Variants in COL4A4 observed in about 807,000 individuals in gnomAD.
COL4A4 encodes collagen alpha-4(IV) chain.
Under a neutral mutation model 192.9 loss-of-function variants are expected in COL4A4, and 105 were observed. The ratio of observed to expected loss-of-function variants is 0.54; its 90% CI spans 0.46 to 0.64. The LOEUF is 0.64. Ranked by LOEUF, COL4A4 falls within the 30% of genes least tolerant of loss-of-function variation. The probability of loss-of-function intolerance (pLI) is 0.00; values close to 1 mark genes in which losing one functional copy is unlikely to be tolerated. For synonymous variants in COL4A4, 762 were observed against 769.9 expected, an observed-to-expected ratio of 0.99 and a Z score of 0.17; for missense variants, 1,967 against 2,169.3, an observed-to-expected ratio of 0.91 and a Z score of 1.85.
At chr2:227,104,095 ATGTTT>A in intron 12 of COL4A4, 43 bp from the exon 13 acceptor site, 1 of 1,559,600 alleles carries the variant, frequency 6.4e-7, no homozygotes, top group Non-Finnish European at 8.8e-7. Context: ...ATATTAATTT[ATGTTT>A]TGAAGGTTTT....
intron 17 of COL4A4, 59 bp downstream of exon 17, chr2:227,101,445 A>G: frequency 7.9e-7 from 1 of 1,273,020 alleles, no homozygotes; most frequent in Non-Finnish European, 1.1e-6. Flanking sequence ...AAAATAAATT[A>G]GATAATATTA....
intron 22 of COL4A4, among the ~76,000 whole-genome samples, chr2:227,087,443 C>T (rs2059663855): frequency 6.6e-6 from 1 of 152,200 alleles, no homozygotes. Flanking sequence ...CCATCGCCTT[C>T]CCATCTCAGT....
chr2:227,056,313 G>C (rs142957012), intron 29 of COL4A4, among the ~76,000 whole-genome samples, 198 bp from the exon 30 acceptor site: 12 of 152,318 alleles, frequency 7.9e-5, no homozygotes, highest in Admixed American at 3.9e-4. Context: ...CAGATCATTT[G>C]AGTAAATGTT....
At position 227,140,155 on chromosome 2, in the gene COL4A4, A is replaced by G. The variant is rs369063419; in HGVS notation, c.192+6T>C. 6.2e-7 allele frequency: 1 copy of G among 1,612,402 alleles called. No homozygotes were observed. Among genetic ancestry groups the G allele is most frequent in the Non-Finnish European group, 8.5e-7 (1 of 1,178,418 alleles). ...TGCTGCCCATGTTGGTCTTTACATC[A>G]CTTACCCGAGACCCCTTTTCAGGAA... On this transcript the variant is annotated splice_donor_region_variant and intron_variant, in intron 4 of 47. Coordinates refer to ENST00000396625, the MANE Select transcript of COL4A4 (RefSeq NM_000092.5).
intron 4 of COL4A4, among the ~76,000 whole-genome samples, chr2:227,121,795 G>A (rs1372706264): frequency 2.0e-5 from 3 of 152,148 alleles, no homozygotes; most frequent in African/African-American, 7.2e-5. Flanking sequence ...CATATATCAA[G>A]TGATTATAGT....
At chr2:227,023,742 G>A (rs763868830) in intron 43 of COL4A4, among the ~76,000 whole-genome samples, 4 of 152,162 alleles carry the variant, frequency 2.6e-5, no homozygotes, top group Non-Finnish European at 4.4e-5. Flanking sequence ...CGCCAGGCGC[G>A]GTGGCTCATG....
intron 47 of COL4A4, 65 bp from the exon 48 acceptor site, chr2:227,007,653 G>C: frequency 6.2e-7 from 1 of 1,602,126 alleles, no homozygotes; most frequent in Non-Finnish European, 8.5e-7. Context: ...CCCAATCAGG[G>C]ACACACCCAG....
Position 227,057,581 on chromosome 2 carries a change from T to C in COL4A4, c.2403A>G (p.Gly801=). Residue 801 remains glycine (G), a synonymous_variant, in exon 29 of 48, where the codon GGA becomes GGG. Coordinates refer to ENST00000396625, the MANE Select transcript of COL4A4 (RefSeq NM_000092.5). ...PGAEGPAGIP[G]FLGLKGPKGR... ...CTTTGGGACCTTTGAGACCTAGGAA[T>C]CCAGGAATGCCAGCTGGCCCTGAAA... The C allele has an allele frequency of 6.2e-7, 1 of 1,614,118 alleles. No homozygotes were observed. The highest frequency in any genetic ancestry group is 8.5e-7 in the Non-Finnish European group (1 of 1,180,036).
chr2:227,028,169 G>C (rs12472127), intron 41 of COL4A4, among the ~76,000 whole-genome samples, 160 bp from the exon 42 acceptor site: 1 of 152,348 alleles, frequency 6.6e-6, no homozygotes, highest in South Asian at 2.1e-4. Context: ...GTGAGGCTTA[G>C]ACGGGTTGCC....
In COL4A4 at chr2:227,080,528, G is replaced by A. The variant is rs1319812013; in HGVS notation, c.1718C>T (p.Pro573Leu). The A allele has an allele frequency of 5.6e-6, 9 of 1,613,926 alleles. No homozygotes were observed. Among genetic ancestry groups the A allele is most frequent in the Middle Eastern group, 1.6e-4 (1 of 6,080 alleles). Residue 573 changes from proline to leucine, a missense_variant, in exon 24 of 48, where the codon CCT (proline) becomes CTT (leucine). By Grantham distance (98) the Pro-to-Leu change is moderately conservative. Transcript: ENST00000396625. ...CCCTGGAAATCCTGGGGGCCCATCA[G>A]GACCTCTTTCTCCTTTGTGCCCTGG... ...RVKGHKGERGPDGPPGFPGQP... is the reference protein window; with the variant it reads ...RVKGHKGERGLDGPPGFPGQP...
intron 25 of COL4A4, among the ~76,000 whole-genome samples, chr2:227,068,568 C>T (rs576375903): frequency 0.015 from 2,346 of 152,232 alleles, 68 homozygotes; most frequent in African/African-American, 0.053. Context: ...TCAATATACG[C>T]GAATCAATAA....
At chr2:227,022,717 C>A (rs1210954435) in intron 43 of COL4A4, among the ~76,000 whole-genome samples, 12 of 152,112 alleles carry the variant, frequency 7.9e-5, no homozygotes, top group Non-Finnish European at 1.5e-4. Flanking sequence ...TGGACTTATC[C>A]AGGGGAGTCA....
intron 25 of COL4A4, among the ~76,000 whole-genome samples, chr2:227,072,287 A>C (rs936846352): frequency 1.3e-5 from 2 of 152,150 alleles, no homozygotes; most frequent in East Asian, 3.9e-4. Context: ...TATGTACACA[A>C]ACTAGGAAAT....
At chr2:227,025,957 G>A in intron 42 of COL4A4, 147 bp from the exon 43 acceptor site, 1 of 683,164 alleles carries the variant, frequency 1.5e-6, no homozygotes, top group East Asian at 2.6e-5. Context: ...AAGCAGAATG[G>A]CAGCACCTTA....
intron 1 of COL4A4, among the ~76,000 whole-genome samples, chr2:227,162,461 T>TGTC (rs747597980): frequency 6.6e-6 from 1 of 152,190 alleles, no homozygotes; most frequent in Non-Finnish European, 1.5e-5. Flanking sequence ...TCTTGGACAC[T>TGTC]GTCACCTCAT....
intron 47 of COL4A4, 114 bp from the exon 48 acceptor site, chr2:227,007,702 C>A: frequency 7.2e-7 from 1 of 1,391,290 alleles, no homozygotes; most frequent in East Asian, 2.4e-5. Context: ...TAGATTATTC[C>A]ATAAAGAACA....
the COL4A4 span, among the ~76,000 whole-genome samples, chr2:226,976,024 G>A: frequency 2.6e-5 from 4 of 151,758 alleles, no homozygotes; most frequent in Non-Finnish European, 5.9e-5. Flanking sequence ...GCATAGCAGG[G>A]CCTGTCTGGT....
intron 26 of COL4A4, among the ~76,000 whole-genome samples, chr2:227,062,238 A>ATC (rs1977284958): frequency 5.0e-5 from 1 of 20,198 alleles, no homozygotes; most frequent in African/African-American, 4.3e-4. Context: ...CTCCGTCTCA[A>ATC]AAAAAAAAAA....
chr2:227,075,199 A>G (rs1227820583), intron 25 of COL4A4, among the ~76,000 whole-genome samples: 2 of 152,168 alleles, frequency 1.3e-5, no homozygotes, highest in Non-Finnish European at 2.9e-5. Context: ...AGACACAACA[A>G]CAAAAATTTT....
Sources: allele counts gnomAD v4.1 joint callset (sites outside exome capture counted in the v4.1 genomes callset), GRCh38; gene constraint gnomAD v4.1.1; transcripts MANE v1.5; gene names NCBI Gene and HGNC (gene_info 2026-07-23, HGNC 2026-07-21).